The following CDKAL1 variants were observed in gnomAD, a reference collection of about 807,000 sequenced individuals.
CDKAL1 encodes the protein CDKAL1 threonylcarbamoyladenosine tRNA methylthiotransferase, also known as threonylcarbamoyladenosine tRNA methylthiotransferase.
A neutral mutation model predicts 68.2 loss-of-function variants in CDKAL1; 32 were observed. The ratio of observed to expected loss-of-function variants is 0.47; its 90% CI spans 0.35 to 0.63. CDKAL1 has a LOEUF of 0.63. Ranked by LOEUF, CDKAL1 falls within the 30% of genes least tolerant of loss-of-function variation. The pLI is 0.00. For missense variants in CDKAL1, 606 were observed against 696.7 expected (o/e 0.87, Z 1.47); for synonymous variants, 234 against 244.3 (o/e 0.96, Z 0.39).
chr6:21,183,381 C>G (rs1018704107), intron 13 of CDKAL1, among the ~76,000 whole-genome samples: 6 of 152,250 alleles, frequency 3.9e-5, no homozygotes, highest in South Asian at 2.1e-4. Flanking sequence ...TGTGCTCAAG[C>G]CCAGGATCCT....
intron 11 of CDKAL1, among the ~76,000 whole-genome samples, chr6:21,010,907 C>G (rs1438897810): frequency 1.3e-5 from 2 of 151,352 alleles, no homozygotes; most frequent in Non-Finnish European, 2.9e-5. Context: ...CATGGTGAAC[C>G]CTGTCTCTAC....
chr6:20,814,067 A>G (rs1299799666), intron 8 of CDKAL1, among the ~76,000 whole-genome samples: 1 of 151,996 alleles, frequency 6.6e-6, no homozygotes, highest in Non-Finnish European at 1.5e-5. Context: ...AACATGGTAT[A>G]TCTCTATTTC....
At chr6:21,194,664 C>T (rs1200973223) in intron 13 of CDKAL1, among the ~76,000 whole-genome samples, 1 of 152,158 alleles carries the variant, frequency 6.6e-6, no homozygotes, top group East Asian at 1.9e-4. Context: ...CACACGGCTA[C>T]CATATGGGGT....
At chr6:20,722,177 C>G (rs1341163814) in intron 5 of CDKAL1, among the ~76,000 whole-genome samples, 1 of 152,116 alleles carries the variant, frequency 6.6e-6, no homozygotes, top group Non-Finnish European at 1.5e-5. Flanking sequence ...TGAAGGTCAG[C>G]TTTCATTTGC....
In CDKAL1 at chr6:20,548,670, C is replaced by A; in HGVS notation, c.251C>A (p.Ala84Asp). ...SHNNSDGEYM[A>D]GQLAAYGYKI... Reference sequence around the variant, plus strand: ...AATAATTCAGATGGAGAATATATGGCTGGACAGCTAGCTGCTTATGGCTAT... The same window carrying A: ...AATAATTCAGATGGAGAATATATGGATGGACAGCTAGCTGCTTATGGCTAT... The change falls in exon 4 of 16, where the codon GCT (alanine) becomes GAT (aspartate). Residue 84 changes from alanine to aspartate, a missense_variant. By Grantham distance (126) the Ala-to-Asp change is moderately radical. Coordinates refer to ENST00000274695, the MANE Select transcript of CDKAL1 (RefSeq NM_017774.3). 2 of 1,587,606 alleles carry A rather than the reference C, an allele frequency of 1.3e-6. No individual in the cohort carries two copies. Among genetic ancestry groups the A allele is most frequent in the Non-Finnish European group, 1.7e-6 (2 of 1,158,858 alleles).
intron 11 of CDKAL1, among the ~76,000 whole-genome samples, chr6:21,025,778 A>C (rs1271495038): frequency 6.6e-6 from 1 of 152,080 alleles, no homozygotes; most frequent in African/African-American, 2.4e-5. Flanking sequence ...TTCATTCCAA[A>C]CTTCTCTGAC....
At chr6:20,805,300 A>G (rs551228682) in intron 8 of CDKAL1, among the ~76,000 whole-genome samples, 1 of 152,318 alleles carries the variant, frequency 6.6e-6, no homozygotes, top group Non-Finnish European at 1.5e-5. Flanking sequence ...GAGTCACCGA[A>G]TATGTGTGTT....
chr6:20,903,876 C>T (rs1350211325), intron 9 of CDKAL1, among the ~76,000 whole-genome samples: 1 of 152,192 alleles, frequency 6.6e-6, no homozygotes, highest in African/African-American at 2.4e-5. Context: ...ACAACAAATG[C>T]ACTGACAGAA....
At chr6:20,823,746 A>C (rs1265923499) in intron 8 of CDKAL1, among the ~76,000 whole-genome samples, 4 of 152,208 alleles carry the variant, frequency 2.6e-5, no homozygotes, top group African/African-American at 9.6e-5. Context: ...CAATGTTACC[A>C]TCATACAAAC....
At chr6:21,043,091 A>G (rs953636726) in intron 11 of CDKAL1, among the ~76,000 whole-genome samples, 5 of 152,190 alleles carry the variant, frequency 3.3e-5, no homozygotes, top group African/African-American at 1.2e-4. Context: ...CACTACCACA[A>G]CTACCAGTTC....
At chr6:20,568,644 A>T (rs1764563704) in intron 4 of CDKAL1, among the ~76,000 whole-genome samples, 1 of 150,270 alleles carries the variant, frequency 6.7e-6, no homozygotes, top group Admixed American at 6.7e-5. Flanking sequence ...CTGAGGCAGG[A>T]GAATGGCGTG....
At chr6:21,014,419 TGGTGAACCCTGTCTCTACTAAAA>T (rs950384647) in intron 11 of CDKAL1, among the ~76,000 whole-genome samples, 5 of 152,098 alleles carry the variant, frequency 3.3e-5, no homozygotes, top group African/African-American at 1.2e-4. Context: ...CTGGCCAACA[TGGTGAACCCTGTCTCTACTAAAA>T]ATGCAAACAA....
intron 9 of CDKAL1, among the ~76,000 whole-genome samples, chr6:20,908,648 T>G (rs1762335013): frequency 6.6e-6 from 1 of 152,208 alleles, no homozygotes; most frequent in Non-Finnish European, 1.5e-5. Flanking sequence ...GATATTACAA[T>G]GTCTTTAGGG....
chr6:20,979,093 T>C (rs577163291), intron 10 of CDKAL1, among the ~76,000 whole-genome samples: 1 of 152,164 alleles, frequency 6.6e-6, no homozygotes, highest in African/African-American at 2.4e-5. Context: ...AATCTTCAAG[T>C]TTAAAATGCA....
At chr6:20,706,583 T>A (rs1771605220) in intron 5 of CDKAL1, among the ~76,000 whole-genome samples, 1 of 152,196 alleles carries the variant, frequency 6.6e-6, no homozygotes, top group Non-Finnish European at 1.5e-5. Flanking sequence ...TCCTCTAACT[T>A]TACAACTAGG....
chr6:20,855,507 C>T (rs1039086048), intron 9 of CDKAL1, among the ~76,000 whole-genome samples: 10 of 146,106 alleles, frequency 6.8e-5, no homozygotes, highest in Admixed American at 6.2e-4. Context: ...GCATAACACC[C>T]TGAAGGGATT....
Position 21,222,525 on chromosome 6 carries a change from T to C in CDKAL1, c.1549-8323T>C, listed in dbSNP as rs574951814. Among the ~76,000 whole-genome samples, 5 of 152,326 alleles carry C rather than the reference T, an allele frequency of 3.3e-5. No homozygotes were observed. In the South Asian group the frequency reaches 8.3e-4, roughly 25 times the overall value. On this transcript the variant is annotated intron_variant, in intron 15 of 15. Coordinates refer to ENST00000274695, the MANE Select transcript of CDKAL1 (RefSeq NM_017774.3). ...ACTATGCATACAACATTGTTTTAAC[T>C]GACTTCAAGATAAAATACTGGCATT...
chr6:20,538,187 T>C (rs1353333547), intron 2 of CDKAL1, among the ~76,000 whole-genome samples: 3 of 152,222 alleles, frequency 2.0e-5, no homozygotes, highest in Non-Finnish European at 2.9e-5. Flanking sequence ...AAATAACTTA[T>C]TGTTTCAATA....
intron 9 of CDKAL1, among the ~76,000 whole-genome samples, chr6:20,869,385 A>G (rs1760074066): frequency 6.6e-6 from 1 of 152,222 alleles, no homozygotes; most frequent in African/African-American, 2.4e-5. Flanking sequence ...TATAAATAAA[A>G]GTATAATTTA....
Sources: allele counts gnomAD v4.1 joint callset (sites outside exome capture counted in the v4.1 genomes callset), GRCh38; gene constraint gnomAD v4.1.1; transcripts MANE v1.5; gene names NCBI Gene and HGNC (gene_info 2026-07-23, HGNC 2026-07-21).